SCAPER: variants seen among roughly 807,000 people sequenced by gnomAD.
SCAPER encodes S-phase cyclin A associated protein in the ER, also known as S phase cyclin A-associated protein in the endoplasmic reticulum.
In SCAPER, 98 loss-of-function variants were observed where a neutral mutation model predicts 182.2. The ratio of observed to expected loss-of-function variants is 0.54; its 90% CI spans 0.46 to 0.64. The LOEUF is 0.64. Among genes scored for constraint, SCAPER ranks in the 30% least tolerant of loss-of-function variants. The pLI, the probability that SCAPER is intolerant of heterozygous loss-of-function variation, is 0.00. For missense variants in SCAPER, 1,432 were observed against 1,690.0 expected (o/e 0.85, Z 2.68); for synonymous variants, 605 against 564.6 (o/e 1.07, Z -1.01).
chr15:76,841,664 C>A lies in SCAPER; in HGVS notation c.393+70G>T. 3 of 1,476,400 alleles carry A rather than the reference C, an allele frequency of 2.0e-6. No individual in the cohort carries two copies. The South Asian group carries it at 3.8e-5, about 19-fold the overall frequency. The allele number at this position is 1,476,400 out of a possible 1,614,324, so 91.5% of individuals were successfully genotyped here. ...TCCATCTCAAAGAAAAAAAAAAGAT[C>A]AAGTCACATGTAGCAAAAATTCAAG... On this transcript the variant is annotated intron_variant, in intron 5 of 31. Coordinates refer to ENST00000563290, the MANE Select transcript of SCAPER (RefSeq NM_020843.4).
chr15:76,405,282 T>A (rs973672688), intron 26 of SCAPER, among the ~76,000 whole-genome samples: 3 of 148,746 alleles, frequency 2.0e-5, no homozygotes, highest in Admixed American at 1.3e-4. Context: ...TGCAGTTAAT[T>A]TTTTTTTTTT....
chr15:76,703,611 A>G (rs551505891), intron 18 of SCAPER, among the ~76,000 whole-genome samples: 1 of 152,196 alleles, frequency 6.6e-6, no homozygotes, highest in African/African-American at 2.4e-5. Context: ...CTACCTATCC[A>G]TTTTACTCAT....
chr15:76,889,295 T>C (rs1161341996), intron 1 of SCAPER, among the ~76,000 whole-genome samples: 2 of 152,138 alleles, frequency 1.3e-5, no homozygotes, highest in Non-Finnish European at 2.9e-5. Flanking sequence ...CCAGCTAACA[T>C]AATGACAGGA....
At chr15:76,426,709 AC>A (rs201214795) in intron 26 of SCAPER, among the ~76,000 whole-genome samples, 3,209 of 152,272 alleles carry the variant, frequency 0.021, 115 homozygotes, top group African/African-American at 0.073. Flanking sequence ...CACAAAAAAA[AC>A]AATCCTAAAA....
intron 26 of SCAPER, among the ~76,000 whole-genome samples, chr15:76,428,044 G>A (rs62028410): frequency 0.065 from 9,831 of 152,102 alleles, 350 homozygotes; most frequent in Middle Eastern, 0.11. Flanking sequence ...AGGCTGCAGT[G>A]AGCCATAATC....
chr15:76,399,878 G>A (rs549259328), intron 27 of SCAPER, among the ~76,000 whole-genome samples: 7 of 152,104 alleles, frequency 4.6e-5, no homozygotes, highest in African/African-American at 1.7e-4. Context: ...GGTGGCAAGC[G>A]CCTGTAATCC....
chr15:76,434,099 T>C lies in SCAPER; in HGVS notation c.3290A>G (p.Asn1097Ser), dbSNP rs73450253. The change falls in exon 26 of 32, where the codon AAT (asparagine) becomes AGT (serine). Residue 1097 changes from asparagine (N) to serine (S), a missense_variant. Asn to Ser is a conservative substitution (Grantham distance 46). Around this residue, in one of 5 missense-constraint regions of SCAPER, gnomAD observed 718 missense variants for 799.7 expected, o/e 0.90. Transcript: ENST00000563290. ...TTACCTGATAAGGTCCTGAACTCGA[T>C]TGTTAAAAGGATCACCTTGTGAGGG... ...NKPSQGDPFN[N>S]RVQDLISYVV... 1,363 of 1,613,836 alleles carry C rather than the reference T, an allele frequency of 8.4e-4. 18 individuals carry two copies. The African/African-American group carries it at 0.016, about 19-fold the overall frequency.
chr15:76,859,221 A>G (rs745608196), intron 3 of SCAPER, among the ~76,000 whole-genome samples: 54 of 152,186 alleles, frequency 3.5e-4, no homozygotes, highest in Non-Finnish European at 7.5e-4. Context: ...CTGAAGCAAT[A>G]TAAGTGAGCC....
intron 22 of SCAPER, among the ~76,000 whole-genome samples, chr15:76,609,042 G>C (rs2050737944): frequency 6.6e-6 from 1 of 152,112 alleles, no homozygotes; most frequent in Non-Finnish European, 1.5e-5. Flanking sequence ...TGCCCCTACT[G>C]TCTGGCACTC....
chr15:76,509,496 A>G (rs1276732579), intron 23 of SCAPER, among the ~76,000 whole-genome samples: 2 of 152,206 alleles, frequency 1.3e-5, no homozygotes, highest in African/African-American at 2.4e-5. Context: ...AACTCTATCG[A>G]ATAAAAGCCA....
chr15:76,544,573 T>C (rs541666398), intron 23 of SCAPER, among the ~76,000 whole-genome samples: 61 of 152,258 alleles, frequency 4.0e-4, no homozygotes, highest in Non-Finnish European at 6.9e-4. Context: ...AAAGACCACA[T>C]ATCGAATAAT....
At chr15:76,578,405 C>T (rs2048016340) in intron 22 of SCAPER, among the ~76,000 whole-genome samples, 1 of 152,200 alleles carries the variant, frequency 6.6e-6, no homozygotes, top group South Asian at 2.1e-4. Flanking sequence ...GGGCGAGACA[C>T]AGTAATCTGT....
chr15:76,881,843 G>A (rs1204533255), intron 2 of SCAPER, among the ~76,000 whole-genome samples: 1 of 152,116 alleles, frequency 6.6e-6, no homozygotes, highest in African/African-American at 2.4e-5. Context: ...CCACTGAACT[G>A]TATACTTAAA....
chr15:76,742,149 A>G (rs905714276), intron 15 of SCAPER, among the ~76,000 whole-genome samples: 4 of 152,038 alleles, frequency 2.6e-5, no homozygotes, highest in Non-Finnish European at 5.9e-5. Flanking sequence ...AGTCTTTTAA[A>G]CTCAGTGAAA....
intron 21 of SCAPER, among the ~76,000 whole-genome samples, chr15:76,632,670 G>C (rs974959548): frequency 6.6e-6 from 1 of 152,020 alleles, no homozygotes; most frequent in Non-Finnish European, 1.5e-5. Context: ...ATCATTTGGA[G>C]GAGAAGAGGC....
intron 4 of SCAPER, among the ~76,000 whole-genome samples, chr15:76,854,896 CAGG>C (rs1256545104): frequency 2.0e-5 from 3 of 150,480 alleles, no homozygotes; most frequent in African/African-American, 7.3e-5. Flanking sequence ...GGCCTGAACC[CAGG>C]AGATGGAGCT....
At position 76,354,307 on chromosome 15, in the gene SCAPER, GA is replaced by G. The variant is rs201731697; in HGVS notation, c.3856-168del. On this transcript the variant is annotated intron_variant, in intron 29 of 31. Transcript: ENST00000563290. This position sits in a 1 kb window ranked among gnomAD's most constrained non-coding sequence, Gnocchi z 4.4. ...ATTTAAGTGATACTTGAAAAGAGCA[GA>G]AAAAAAAAATCTCATTTCCCAACTT... 1.1e-3 allele frequency: 534 copies of G among 474,980 alleles called. 1 individual carries two copies. Among genetic ancestry groups the G allele is most frequent in the South Asian group, 1.3e-3 (30 of 23,410 alleles). 29.4% of individuals were successfully genotyped at this position (474,980 alleles called of 1,614,324 possible).
intron 1 of SCAPER, among the ~76,000 whole-genome samples, chr15:76,900,393 A>T (rs1274356830): frequency 6.6e-6 from 1 of 150,744 alleles, no homozygotes; most frequent in African/African-American, 2.4e-5. Context: ...CATACATACA[A>T]AAAAAAATAT....
chr15:76,552,188 C>G (rs972320603), intron 23 of SCAPER, among the ~76,000 whole-genome samples: 1 of 152,096 alleles, frequency 6.6e-6, no homozygotes, highest in Non-Finnish European at 1.5e-5. Flanking sequence ...TGGGCTGAGG[C>G]AGGAGGATCC....
Sources: gnomAD v4.1 joint callset for allele counts (sites outside exome capture counted in the v4.1 genomes callset) on GRCh38, gnomAD v4.1.1 for gene constraint, gnomAD v4.1.1 regional missense constraint, Gnocchi (gnomAD v3.1) non-coding constraint, MANE v1.5 for transcripts, NCBI Gene and HGNC (gene_info 2026-07-23, HGNC 2026-07-21) for gene names.